CATSPER2: variants seen among roughly 807,000 people sequenced by gnomAD.
CATSPER2 encodes cation channel sperm-associated protein 2.
CATSPER2 carries 56 observed loss-of-function variants against 68.8 expected under a neutral mutation model. The observed-to-expected ratio is 0.81, with a 90% CI of 0.66 to 1.02. The LOEUF (loss-of-function observed/expected upper bound fraction) is 1.02. Among genes scored for constraint, CATSPER2 ranks in the 50% least tolerant of loss-of-function variants. The probability of loss-of-function intolerance (pLI) is 0.00; values close to 1 mark genes in which losing one functional copy is unlikely to be tolerated. For synonymous variants in CATSPER2, 198 were observed against 229.9 expected (o/e 0.86, Z 1.26); for missense variants, 582 against 642.0 (o/e 0.91, Z 1.01).
Position 43,648,707 on chromosome 15 carries a change from C to T in CATSPER2, c.-81G>A, listed in dbSNP as rs937755745. On this transcript the variant is annotated 5_prime_UTR_variant, in exon 1 of 13. Transcript: ENST00000396879. ...AGCTCAGGTGCCCCGAGCCTGGCTA[C>T]CCCTATGCAAGACGAGCTCAGGGCC... The T allele has an allele frequency of 7.4e-6, 11 of 1,487,204 alleles. 2 individuals carry two copies. Among genetic ancestry groups the T allele is most frequent in the East Asian group, 5.2e-5 (2 of 38,566 alleles). The allele number at this position is 1,487,204 out of a possible 1,614,324, so 92.1% of individuals were successfully genotyped here.
intron 3 of CATSPER2, 51 bp downstream of exon 3, chr15:43,647,243 T>C (rs748630499): frequency 1.5e-5 from 23 of 1,579,288 alleles, no homozygotes; most frequent in Non-Finnish European, 1.9e-5. Context: ...AAATAAGTCA[T>C]TAGGCAGATG....
intron 7 of CATSPER2, among the ~76,000 whole-genome samples, chr15:43,638,352 T>G (rs1430280347): frequency 5.2e-5 from 7 of 135,582 alleles, no homozygotes; most frequent in Admixed American, 2.3e-4. Flanking sequence ...ACAGTGGCAC[T>G]ATATCGGCTC....
At chr15:43,646,027 T>G (rs1184200412) in intron 4 of CATSPER2, among the ~76,000 whole-genome samples, 1 of 152,018 alleles carries the variant, frequency 6.6e-6, no homozygotes, top group Non-Finnish European at 1.5e-5. Flanking sequence ...TTCCATACTT[T>G]GTGAGCTTTC....
chr15:43,645,253 T>C (rs1415941850), intron 4 of CATSPER2, among the ~76,000 whole-genome samples: 3 of 151,380 alleles, frequency 2.0e-5, no homozygotes, highest in Non-Finnish European at 4.4e-5. Context: ...ATGAGGTTTC[T>C]CCACATTGGC....
In CATSPER2 at chr15:43,639,684, G is replaced by T. The variant is rs1035562470; in HGVS notation, c.676C>A (p.Gln226Lys). 1.2e-6 allele frequency: 2 copies of T among 1,613,072 alleles called. No individual in the cohort carries two copies. Among genetic ancestry groups the T allele is most frequent in the Non-Finnish European group, 1.7e-6 (2 of 1,179,644 alleles). Residue 226 changes from glutamine (Q) to lysine (K), a missense_variant, in exon 6 of 13, where the codon CAA (glutamine) becomes AAA (lysine). Gln to Lys is a moderately conservative substitution (Grantham distance 53, BLOSUM62 1). This residue lies in a region of CATSPER2 where 91 missense variants were observed against 72.8 expected (regional missense o/e 1.25). Transcript: ENST00000396879. ...AGGACCAAAATAATAATTTGAATTT[G>T]ACGGAATTGTGCAAGGAGTTTGAGA... Reference protein sequence around the residue: ...RSLKLLAQFRQIQIIILVLVR... With the variant: ...RSLKLLAQFRKIQIIILVLVR...
Position 43,630,364 on chromosome 15 carries a change from T to C in CATSPER2, c.*337A>G, listed in dbSNP as rs558572901. ...ACTGAGCAGCTATCAGGAGTATTTA[T>C]AAGACACTTATACAGAGTCTCACTC... On this transcript the variant is annotated 3_prime_UTR_variant, in exon 13 of 13. Coordinates refer to ENST00000396879, the MANE Select transcript of CATSPER2 (RefSeq NM_172095.4). 3 of 364,468 alleles carry C rather than the reference T, an allele frequency of 8.2e-6. No homozygotes were observed. Among genetic ancestry groups the C allele is most frequent in the South Asian group, 4.7e-5 (2 of 42,524 alleles). The allele number at this position is 364,468 out of a possible 1,614,324, so 22.6% of individuals were successfully genotyped here. A position where few individuals can be genotyped will look rare whatever the true frequency, so the allele number is the denominator to read the frequency against.
intron 4 of CATSPER2, among the ~76,000 whole-genome samples, chr15:43,640,816 A>T (rs2086058802): frequency 6.6e-6 from 1 of 151,804 alleles, no homozygotes; most frequent in Admixed American, 6.6e-5. Context: ...CCTACCTCCA[A>T]ACCCCACCCC....
Position 43,648,674 on chromosome 15 carries a change from C to T in CATSPER2, c.-48G>A. The T allele has an allele frequency of 7.0e-7, 1 of 1,426,852 alleles. No individual in the cohort carries two copies. The allele number at this position is 1,426,852 out of a possible 1,614,324, so 88.4% of individuals were successfully genotyped here. A position where few individuals can be genotyped will look rare whatever the true frequency, so the allele number is the denominator to read the frequency against. Reference sequence around the variant, plus strand: ...CCCACTCAGTCCTTATTTCACGCTTCCGCCTCCAGCTCAGGTGCCCCGAGC... The same window carrying T: ...CCCACTCAGTCCTTATTTCACGCTTTCGCCTCCAGCTCAGGTGCCCCGAGC... On this transcript the variant is annotated 5_prime_UTR_variant, in exon 1 of 13. Transcript: ENST00000396879.
Position 43,632,226 on chromosome 15 carries a change from C to A in CATSPER2, c.1534G>T (p.Glu512Ter), listed in dbSNP as rs748663262. 7 of 1,613,546 alleles carry A rather than the reference C, an allele frequency of 4.3e-6. No individual in the cohort carries two copies. The Admixed American group carries it at 8.3e-5, about 19-fold the overall frequency. ...GCAAACTCTTGTAACTTCTTACGTT[C>A]CTCTAGGTTATACTGAAGCTTTTCT... is the stretch of plus-strand genomic sequence containing the variant. ...LLEKLQYNLEERKKLQEFAVQ... is the reference protein window; with the variant it reads ...LLEKLQYNLE Residue 512 changes from glutamate (E) to a stop codon, truncating the protein, a stop_gained, in exon 12 of 13, where the codon GAA becomes TAA. Transcript: ENST00000396879. LOFTEE classifies it high-confidence loss of function.
Position 43,630,613 on chromosome 15 carries a change from T to G in CATSPER2, c.*88A>C. 6.2e-7 allele frequency: 1 copy of G among 1,607,984 alleles called. No individual in the cohort carries two copies. Among genetic ancestry groups the G allele is most frequent in the Non-Finnish European group, 8.5e-7 (1 of 1,177,292 alleles). On this transcript the variant is annotated 3_prime_UTR_variant, in exon 13 of 13. Transcript: ENST00000396879. The stretch of plus-strand genomic sequence containing the variant: ...TTTAATGAACAGACATTGTTCTATC[T>G]GAATGTTTATATTTTCAATTCTCTA...
chr15:43,642,469 T>C (rs1363522634), intron 4 of CATSPER2: 1 of 140,220 alleles, frequency 7.1e-6, no homozygotes, highest in Non-Finnish European at 1.5e-5. Flanking sequence ...TTAAATTCAA[T>C]AAAATACAAA....
intron 4 of CATSPER2, among the ~76,000 whole-genome samples, chr15:43,643,754 C>A (rs1222908108): frequency 6.6e-6 from 1 of 152,028 alleles, no homozygotes; most frequent in Non-Finnish European, 1.5e-5. Flanking sequence ...TATAGCACAT[C>A]AAACCCTCTC....
intron 7 of CATSPER2, among the ~76,000 whole-genome samples, chr15:43,638,450 G>A (rs1349985670): frequency 4.6e-5 from 7 of 151,094 alleles, no homozygotes; most frequent in African/African-American, 1.7e-4. Context: ...CACCACGGCT[G>A]GCTAATTTTT....
rs768001162 is a variant in CATSPER2 at position 43,636,146 on chromosome 15, C to T, written c.916G>A (p.Val306Ile). Residue 306 changes from valine to isoleucine, a missense_variant, in exon 8 of 13, where the codon GTC becomes ATC. Physicochemically the swap from Val to Ile is conservative, Grantham distance 29. This residue lies in a region of CATSPER2 where 14 missense variants were observed against 33.7 expected (regional missense o/e 0.42). Transcript: ENST00000396879. ...CGACTGACTTCAGGCACCTTCCAGA[C>T]GTCCTGAAGCAGTGCATACCAATGA... is the stretch of plus-strand genomic sequence containing the variant. ...LDHWYALLQD[V>I]WKVPEVSRIF... The T allele has an allele frequency of 1.0e-5, 16 of 1,607,368 alleles. No individual in the cohort carries two copies. Among genetic ancestry groups the T allele is most frequent in the East Asian group, 2.2e-5 (1 of 44,818 alleles).
chr15:43,638,831 A>G, intron 7 of CATSPER2, 73 bp downstream of exon 7: 1 of 1,562,090 alleles, frequency 6.4e-7, no homozygotes. Context: ...TTATATTACT[A>G]TACTTTGGAC....
At position 43,645,316 on chromosome 15, in the gene CATSPER2, A is replaced by G. The variant is rs375433302; in HGVS notation, c.388+1734T>C. Reference sequence around the variant, plus strand: ...AGCGATCCTCCCGCCTCAGCCTCCCAAAGTGCTGGGATTACAGGCATGAAC... The same window carrying G: ...AGCGATCCTCCCGCCTCAGCCTCCCGAAGTGCTGGGATTACAGGCATGAAC... On this transcript the variant is annotated intron_variant, in intron 4 of 12. Coordinates refer to ENST00000396879, the MANE Select transcript of CATSPER2 (RefSeq NM_172095.4). Among the ~76,000 whole-genome samples the G allele has an allele frequency of 7.4e-4, 112 of 151,774 alleles. 2 individuals carry two copies. Among genetic ancestry groups the G allele is most frequent in the African/African-American group, 2.6e-3 (107 of 41,418 alleles).
intron 12 of CATSPER2, among the ~76,000 whole-genome samples, chr15:43,631,189 C>G (rs1166964772): frequency 6.6e-6 from 1 of 151,942 alleles, no homozygotes; most frequent in African/African-American, 2.4e-5. Flanking sequence ...GGGAAAAACC[C>G]AGATAACACA....
In CATSPER2 at chr15:43,640,432, C is replaced by T. The variant is rs1303138526; in HGVS notation, c.453G>A (p.Trp151Ter). The T allele has an allele frequency of 2.5e-6, 4 of 1,613,070 alleles. No homozygotes were observed. The African/African-American group carries it at 5.3e-5, about 22-fold the overall frequency. ...CCAGGATGAAAATAAGCAAGATAAA[C>T]CAAGCTGCCACCTCCAAGGTCAGCT... is the stretch of plus-strand genomic sequence containing the variant. ...PLKLTLEVAAWFILLIFILEI... is the reference protein window; with the variant it reads ...PLKLTLEVAA Residue 151 changes from tryptophan to a stop codon, truncating the protein, a stop_gained, in exon 5 of 13, where the codon TGG (tryptophan) becomes TGA (stop). Coordinates refer to ENST00000396879, the MANE Select transcript of CATSPER2 (RefSeq NM_172095.4). LOFTEE classifies it high-confidence loss of function.
chr15:43,643,392 C>T (rs2086106055), intron 4 of CATSPER2, among the ~76,000 whole-genome samples: 1 of 151,652 alleles, frequency 6.6e-6, no homozygotes, highest in Non-Finnish European at 1.5e-5. Flanking sequence ...CACTCTGTCG[C>T]CCAGCTGCCA....
Sources: allele counts gnomAD v4.1 joint callset (sites outside exome capture counted in the v4.1 genomes callset), GRCh38; gene constraint gnomAD v4.1.1; regional missense constraint gnomAD v4.1.1; transcripts MANE v1.5; gene names NCBI Gene and HGNC (gene_info 2026-07-23, HGNC 2026-07-21).